The following NUP42 variants were observed in gnomAD, a reference collection of about 807,000 sequenced individuals.
NUP42 encodes the protein nucleoporin NUP42.
NUP42 carries 47 observed loss-of-function variants against 35.9 expected under a neutral mutation model. The observed-to-expected ratio is 1.31, with a 90% CI of 1.04 to 1.67. NUP42 has a LOEUF of 1.67. NUP42 is among the 40% of genes most tolerant of loss of function. The pLI is 0.00. For missense variants in NUP42, 514 were observed against 492.2 expected (o/e 1.04, Z -0.42); for synonymous variants, 173 against 173.3 (o/e 1.00, Z 0.01).
At chr7:23,192,386 A>G (rs1419224203) in intron 3 of NUP42, among the ~76,000 whole-genome samples, 1 of 152,016 alleles carries the variant, frequency 6.6e-6, no homozygotes, top group African/African-American at 2.4e-5. Context: ...TCTACTAAAA[A>G]TACAAAAAAA....
intron 3 of NUP42, among the ~76,000 whole-genome samples, chr7:23,192,397 A>T (rs927145616): frequency 6.6e-6 from 1 of 152,050 alleles, no homozygotes; most frequent in African/African-American, 2.4e-5. Flanking sequence ...TACAAAAAAA[A>T]TTAGCCGGGC....
Position 23,200,856 on chromosome 7 carries a change from A to G in NUP42, c.*111A>G, listed in dbSNP as rs944303387. The G allele has an allele frequency of 7.8e-6, 4 of 515,862 alleles. No individual in the cohort carries two copies. Among genetic ancestry groups the G allele is most frequent in the Non-Finnish European group, 1.2e-5 (4 of 330,210 alleles). The allele number at this position is 515,862 out of a possible 1,614,324, so 32.0% of individuals were successfully genotyped here. On this transcript the variant is annotated 3_prime_UTR_variant, in exon 7 of 7. Transcript: ENST00000258742. ...ATATTCATAAGGAATATAAGCTTCC[A>G]TCAATAGTGATTTTAAATTTGATTT...
intron 3 of NUP42, chr7:23,194,719 C>T (rs371272156): frequency 9.5e-4 from 164 of 172,560 alleles, no homozygotes; most frequent in African/African-American, 4.0e-3. Context: ...GACGGAGTCT[C>T]GCTTTGTTGC....
intron 3 of NUP42, among the ~76,000 whole-genome samples, chr7:23,189,059 T>A (rs915986367): frequency 3.9e-5 from 6 of 152,250 alleles, no homozygotes; most frequent in African/African-American, 1.4e-4. Context: ...AAAAAGTGTG[T>A]CTGCCCCATG....
intron 3 of NUP42, chr7:23,194,985 G>A (rs1457514094): frequency 6.6e-6 from 1 of 152,278 alleles, no homozygotes; most frequent in Non-Finnish European, 1.5e-5. Flanking sequence ...ACCGTGCCCG[G>A]CCCTAGTTTT....
rs1336007754 is a variant in NUP42, at chr7:23,182,797, C to T, written c.121+591C>T. On this transcript the variant is annotated intron_variant, in intron 1 of 6. Transcript: ENST00000258742. ...GGCGTGGTGGCGCGCGCCTGTAATC[C>T]CAGCTACTCATGAGGCTGAGACAGG... 2.7e-5 allele frequency among the ~76,000 whole-genome samples: 4 copies of T among 148,292 alleles called. 1 individual carries two copies. The highest frequency in any genetic ancestry group is 1.0e-4 in the African/African-American group (4 of 39,954).
At chr7:23,193,232 C>G (rs1637220) in intron 3 of NUP42, among the ~76,000 whole-genome samples, 13,350 of 152,114 alleles carry the variant, frequency 0.088, 913 homozygotes, top group African/African-American at 0.18. Flanking sequence ...AGCAAAAGAA[C>G]GAAGCTTCCA....
At chr7:23,193,579 C>T (rs1233587269) in intron 3 of NUP42, among the ~76,000 whole-genome samples, 18 of 152,220 alleles carry the variant, frequency 1.2e-4, no homozygotes, top group Non-Finnish European at 1.5e-5. Context: ...GAGCTAGACA[C>T]AGAGTGCTGA....
intron 3 of NUP42, among the ~76,000 whole-genome samples, chr7:23,187,852 C>T (rs1042562613): frequency 1.3e-5 from 2 of 151,944 alleles, no homozygotes; most frequent in East Asian, 1.9e-4. Context: ...GTGATCCGCC[C>T]GCCACAGGCT....
intron 3 of NUP42, among the ~76,000 whole-genome samples, chr7:23,193,018 C>G (rs768218853): frequency 6.6e-6 from 1 of 151,852 alleles, no homozygotes; most frequent in Admixed American, 6.6e-5. Flanking sequence ...TCCGTGGTCT[C>G]GCTGGCTCAG....
chr7:23,192,546 C>CAAAAAAAA (rs200047613), intron 3 of NUP42, among the ~76,000 whole-genome samples: 3 of 65,300 alleles, frequency 4.6e-5, no homozygotes, highest in African/African-American at 1.4e-4. Flanking sequence ...GACTTCATCT[C>CAAAAAAAA]AAAAAAAAAA....
At position 23,200,693 on chromosome 7, in the gene NUP42, C is replaced by A. The variant is rs756629154; in HGVS notation, c.1220C>A (p.Thr407Asn). ...GAACAATTTCAATCCAAGAAATTTA[C>A]TCTGGGAAAAATTCCATTAAAGCCT... is the stretch of plus-strand genomic sequence containing the variant. ...ELEQFQSKKF[T>N]LGKIPLKPPP... Residue 407 changes from threonine to asparagine, a missense_variant, in exon 7 of 7, where the codon ACT (threonine) becomes AAT (asparagine). By Grantham distance (65) the Thr-to-Asn change is moderately conservative (BLOSUM62 0). Coordinates refer to ENST00000258742, the MANE Select transcript of NUP42 (RefSeq NM_007342.3). 1 of 1,608,488 alleles carries A rather than the reference C, an allele frequency of 6.2e-7. No homozygotes were observed. Among genetic ancestry groups the A allele is most frequent in the African/African-American group, 1.3e-5 (1 of 74,696 alleles).
rs1187400863 is a variant in NUP42, at chr7:23,185,102, C to T, written c.154C>T (p.Gln52Ter). Reference sequence around the variant, plus strand: ...TAGACGTGGATGGAATACAACTAGCCAGAGATATTCCAATGTCATCCAGCC... The same window carrying T: ...TAGACGTGGATGGAATACAACTAGCTAGAGATATTCCAATGTCATCCAGCC... ...NNRRGWNTTS[Q>*]RYSNVIQPSS... The change falls in exon 2 of 7, where the codon CAG becomes TAG. Residue 52 changes from glutamine (Q) to a stop codon, truncating the protein, a stop_gained. Transcript: ENST00000258742. LOFTEE classifies it high-confidence loss of function. 3.1e-6 allele frequency: 5 copies of T among 1,613,930 alleles called. No homozygotes were observed. The highest frequency in any genetic ancestry group is 2.2e-5 in the East Asian group (1 of 44,872).
chr7:23,184,025 C>T (rs1231024032), intron 1 of NUP42, among the ~76,000 whole-genome samples: 2 of 151,278 alleles, frequency 1.3e-5, no homozygotes. Context: ...TTACCTTAAT[C>T]TTGGCCCCAA....
At chr7:23,193,676 A>C (rs1044346639) in intron 3 of NUP42, among the ~76,000 whole-genome samples, 1 of 152,214 alleles carries the variant, frequency 6.6e-6, no homozygotes, top group African/African-American at 2.4e-5. Flanking sequence ...CACCCAGTGG[A>C]TTCCACACCA....
At position 23,182,213 on chromosome 7, in the gene NUP42, C is replaced by G. The variant is rs371584567; in HGVS notation, c.121+7C>G. On this transcript the variant is annotated splice_region_variant and intron_variant, in intron 1 of 6. Coordinates refer to ENST00000258742, the MANE Select transcript of NUP42 (RefSeq NM_007342.3). ...CCGCAGCAGCAGCCTTCAGGTGACTCTCCTCTGAATCCTCCGCGGTAACCG... is the reference window on the plus strand; with the variant it reads ...CCGCAGCAGCAGCCTTCAGGTGACTGTCCTCTGAATCCTCCGCGGTAACCG... 3 of 1,603,512 alleles carry G rather than the reference C, an allele frequency of 1.9e-6. No homozygotes were observed. Among genetic ancestry groups the G allele is most frequent in the Admixed American group, 1.7e-5 (1 of 58,380 alleles).
At chr7:23,184,399 T>G (rs1400571533) in intron 1 of NUP42, among the ~76,000 whole-genome samples, 5 of 152,178 alleles carry the variant, frequency 3.3e-5, no homozygotes, top group Non-Finnish European at 7.4e-5. Flanking sequence ...AAAACCCAAG[T>G]TTTTATCCTG....
intron 3 of NUP42, among the ~76,000 whole-genome samples, chr7:23,193,239 T>G (rs1785872861): frequency 6.6e-6 from 1 of 152,146 alleles, no homozygotes; most frequent in Non-Finnish European, 1.5e-5. Context: ...GAACGAAGCT[T>G]CCACAGTGTG....
At chr7:23,197,667 G>A (rs545286835) in intron 5 of NUP42, among the ~76,000 whole-genome samples, 1 of 149,704 alleles carries the variant, frequency 6.7e-6, no homozygotes, top group Non-Finnish European at 1.5e-5. Context: ...CTTGCTAACT[G>A]CCCAGGGCCC....
Sources: allele counts gnomAD v4.1 joint callset (sites outside exome capture counted in the v4.1 genomes callset), GRCh38; gene constraint gnomAD v4.1.1; transcripts MANE v1.5; gene names NCBI Gene and HGNC (gene_info 2026-07-23, HGNC 2026-07-21).